The following KANK1 variants were observed in gnomAD, a reference collection of about 807,000 sequenced individuals.
KANK1 encodes the protein KN motif and ankyrin repeat domains 1, also known as KN motif and ankyrin repeat domain-containing protein 1.
KANK1 carries 109 observed loss-of-function variants against 106.2 expected under a neutral mutation model. That is an observed-to-expected ratio of 1.03 (90% CI 0.88 to 1.20). The LOEUF (loss-of-function observed/expected upper bound fraction) is 1.20. KANK1 is among the 50% of genes most tolerant of loss of function. The pLI is 0.00. For missense variants in KANK1, 2,399 were observed against 1,710.7 expected (o/e 1.40, Z -7.10); for synonymous variants, 873 against 652.2 (o/e 1.34, Z -5.16).
intron 1 of KANK1, among the ~76,000 whole-genome samples, chr9:669,026 G>C (rs914175199): frequency 2.0e-5 from 3 of 152,054 alleles, no homozygotes; most frequent in Non-Finnish European, 4.4e-5. Flanking sequence ...TCAGGAGTTG[G>C]AGATCCCTGT....
intron 1 of KANK1, among the ~76,000 whole-genome samples, chr9:517,034 TTG>T (rs2059313098): frequency 1.0e-5 from 1 of 100,166 alleles, no homozygotes; most frequent in South Asian, 3.2e-4. Flanking sequence ...CACATCCGTC[TTG>T]TGTTTTTTGG....
intron 3 of KANK1, among the ~76,000 whole-genome samples, chr9:483,337 C>T (rs561212529): frequency 6.6e-6 from 1 of 152,246 alleles, no homozygotes; most frequent in South Asian, 2.1e-4. Flanking sequence ...AGCACTGATG[C>T]CTTAGCTTCA....
intron 1 of KANK1, among the ~76,000 whole-genome samples, chr9:540,852 G>A (rs2060557391): frequency 6.6e-6 from 1 of 151,906 alleles, no homozygotes; most frequent in Non-Finnish European, 1.5e-5. Context: ...GTATTTTTGT[G>A]GTATCAATTG....
At chr9:594,134 A>G (rs1192050873) in intron 1 of KANK1, among the ~76,000 whole-genome samples, 1 of 151,900 alleles carries the variant, frequency 6.6e-6, no homozygotes, top group Non-Finnish European at 1.5e-5. Context: ...GGGGGTTTTC[A>G]CAGTACCCAC....
intron 1 of KANK1, among the ~76,000 whole-genome samples, chr9:603,247 C>T (rs1461730641): frequency 4.0e-5 from 6 of 151,842 alleles, no homozygotes; most frequent in Non-Finnish European, 8.8e-5. Context: ...TTAAATGTGT[C>T]AGAGTGTGGC....
At chr9:539,188 T>C (rs2060458033) in intron 1 of KANK1, among the ~76,000 whole-genome samples, 1 of 152,034 alleles carries the variant, frequency 6.6e-6, no homozygotes, top group Non-Finnish European at 1.5e-5. Flanking sequence ...GCTGAAAACT[T>C]TCCAGTTTTT....
chr9:669,731 G>A (rs1021878184), intron 1 of KANK1, among the ~76,000 whole-genome samples: 1 of 151,948 alleles, frequency 6.6e-6, no homozygotes, highest in Non-Finnish European at 1.5e-5. Flanking sequence ...AATCTGTTTA[G>A]TGTTTTCTGA....
chr9:573,329 G>C (rs1203339027), intron 1 of KANK1, among the ~76,000 whole-genome samples: 1 of 152,074 alleles, frequency 6.6e-6, no homozygotes, highest in Non-Finnish European at 1.5e-5. Flanking sequence ...GAGTGCAGTG[G>C]CGCAATCTTG....
At chr9:549,177 C>G (rs566854134) in intron 1 of KANK1, 8 of 151,930 alleles carry the variant, frequency 5.3e-5, no homozygotes, top group Admixed American at 2.0e-4. Context: ...CTTCCTCACT[C>G]TTCCTTTGAC....
chr9:589,422 A>G (rs1824287515), intron 1 of KANK1, among the ~76,000 whole-genome samples: 1 of 152,228 alleles, frequency 6.6e-6, no homozygotes, highest in Non-Finnish European at 1.5e-5. Context: ...TTGCTGGAAA[A>G]GAAGGAGCAA....
chr9:696,477 A>T (rs2129747398), intron 2 of KANK1, among the ~76,000 whole-genome samples: 1 of 152,242 alleles, frequency 6.6e-6, no homozygotes, highest in Middle Eastern at 3.4e-3. Context: ...GCTTTACAAA[A>T]ATGAGGTATC....
intron 3 of KANK1, among the ~76,000 whole-genome samples, chr9:477,306 A>G (rs80198290): frequency 2.7e-5 from 4 of 148,050 alleles, no homozygotes; most frequent in Non-Finnish European, 6.0e-5. Flanking sequence ...TGCAAACAGA[A>G]AAAAAAAAAA....
intron 1 of KANK1, among the ~76,000 whole-genome samples, chr9:544,778 T>G (rs2060830246): frequency 6.7e-6 from 1 of 149,260 alleles, no homozygotes; most frequent in African/African-American, 2.5e-5. Flanking sequence ...GCATCCTGTG[T>G]TTAGAACCAA....
At chr9:556,716 G>A (rs745623514) in intron 1 of KANK1, among the ~76,000 whole-genome samples, 7 of 152,044 alleles carry the variant, frequency 4.6e-5, no homozygotes, top group Non-Finnish European at 1.0e-4. Flanking sequence ...CTCTTGCCCT[G>A]CTTCATGATG....
At chr9:732,878 A>G (rs972240334) in intron 6 of KANK1, 16 of 304,332 alleles carry the variant, frequency 5.3e-5, no homozygotes, top group African/African-American at 1.3e-4. Context: ...TGGAACCACA[A>G]TCCACTAAAA....
At chr9:623,667 GA>G (rs978843124) in intron 1 of KANK1, among the ~76,000 whole-genome samples, 57 of 150,944 alleles carry the variant, frequency 3.8e-4, no homozygotes, top group African/African-American at 1.3e-3. Context: ...AATCATTAGA[GA>G]AATGCAAATC....
chr9:741,998 G>A (rs1835708510), intron 9 of KANK1, among the ~76,000 whole-genome samples: 1 of 152,116 alleles, frequency 6.6e-6, no homozygotes, highest in Non-Finnish European at 1.5e-5. Flanking sequence ...AATGAAGTTG[G>A]CTCCTTACTT....
chr9:738,893 G>A (rs1307254453), intron 8 of KANK1, among the ~76,000 whole-genome samples: 4 of 152,212 alleles, frequency 2.6e-5, no homozygotes, highest in African/African-American at 4.8e-5. Context: ...CAGCCTTGGT[G>A]CGTGTGGACC....
intron 1 of KANK1, among the ~76,000 whole-genome samples, chr9:511,709 A>G (rs911551140): frequency 6.6e-6 from 1 of 152,220 alleles, no homozygotes; most frequent in Non-Finnish European, 1.5e-5. Flanking sequence ...TGTAAATAAT[A>G]TAAACAACAA....
Sources: gnomAD v4.1 joint callset for allele counts (sites outside exome capture counted in the v4.1 genomes callset) on GRCh38, gnomAD v4.1.1 for gene constraint, MANE v1.5 for transcripts, NCBI Gene and HGNC (gene_info 2026-07-23, HGNC 2026-07-21) for gene names.